CLYBL: variants seen among roughly 807,000 people sequenced by gnomAD.
The protein encoded by CLYBL is citramalyl-CoA lyase, mitochondrial.
Under a neutral mutation model 38.9 loss-of-function variants are expected in CLYBL, and 31 were observed. The observed-to-expected ratio is 0.80, with a 90% CI of 0.60 to 1.08. The LOEUF is 1.08. Ranked by LOEUF, CLYBL falls within the 50% of genes least tolerant of loss-of-function variation. The pLI, the probability that CLYBL is intolerant of heterozygous loss-of-function variation, is 0.00. For missense variants in CLYBL, 434 were observed against 411.6 expected, an observed-to-expected ratio of 1.05 and a Z score of -0.47; for synonymous variants, 171 against 158.6, an observed-to-expected ratio of 1.08 and a Z score of -0.59.
At chr13:99,800,894 C>CAACA (rs2050118969) in intron 2 of CLYBL, among the ~76,000 whole-genome samples, 1 of 114,508 alleles carries the variant, frequency 8.7e-6, no homozygotes, top group African/African-American at 3.1e-5. Flanking sequence ...ACAACAACAA[C>CAACA]AAAAAAAAAA....
chr13:99,740,799 C>T (rs1244761302), intron 1 of CLYBL, among the ~76,000 whole-genome samples: 1 of 152,172 alleles, frequency 6.6e-6, no homozygotes, highest in East Asian at 1.9e-4. Flanking sequence ...GACCTGGCAG[C>T]ATTTAACGGC....
At chr13:99,892,730 T>C (rs956314901), downstream of CLYBL, 24 of 152,278 alleles carry the variant, frequency 1.6e-4, no homozygotes, top group African/African-American at 5.8e-4. Flanking sequence ...AAACAGTTGT[T>C]TTTTACTTTC....
At chr13:99,898,771 AG>A (rs2052610406), downstream of CLYBL, among the ~76,000 whole-genome samples, 2 of 152,190 alleles carry the variant, frequency 1.3e-5, no homozygotes, top group African/African-American at 4.8e-5. Flanking sequence ...AGATCCTCCC[AG>A]CTCCCCTAGA....
At chr13:99,624,289 TA>T (rs2046839644) in intron 1 of CLYBL, among the ~76,000 whole-genome samples, 2 of 152,186 alleles carry the variant, frequency 1.3e-5, no homozygotes, top group Admixed American at 1.3e-4. Context: ...CCTGACACAG[TA>T]GGCACTGATT....
Position 99,692,582 on chromosome 13 carries a change from G to A in CLYBL, c.63-80242G>A, listed in dbSNP as rs374581241. Among the ~76,000 whole-genome samples, 70 of 152,110 alleles carry A rather than the reference G, an allele frequency of 4.6e-4. No homozygotes were observed. The South Asian group carries it at 7.9e-3, about 17-fold the overall frequency. On this transcript the variant is annotated intron_variant, in intron 1 of 8. Transcript: ENST00000339105. Reference sequence around the variant, plus strand: ...GCTGGGATTACAGGTGTGAGCTACCGCCTCCAGCCATAAAGTTCACATTTT... The same window carrying A: ...GCTGGGATTACAGGTGTGAGCTACCACCTCCAGCCATAAAGTTCACATTTT...
intron 1 of CLYBL, among the ~76,000 whole-genome samples, chr13:99,772,573 C>A (rs1292124040): frequency 6.6e-6 from 1 of 152,256 alleles, no homozygotes; most frequent in Non-Finnish European, 1.5e-5. Flanking sequence ...TGGCACACAC[C>A]TGTAGTCCCA....
At chr13:99,890,467 G>T (rs1044625439) in intron 7 of CLYBL, among the ~76,000 whole-genome samples, 2 of 151,858 alleles carry the variant, frequency 1.3e-5, no homozygotes, top group African/African-American at 4.8e-5. Flanking sequence ...CATGTCCCTG[G>T]TATTTCTTTC....
At chr13:99,802,929 A>G (rs528273903) in intron 2 of CLYBL, among the ~76,000 whole-genome samples, 3 of 152,256 alleles carry the variant, frequency 2.0e-5, no homozygotes, top group Non-Finnish European at 1.5e-5. Flanking sequence ...TAGACTGGAC[A>G]CTCTGCAGGC....
At chr13:99,631,860 C>T (rs891621291) in intron 1 of CLYBL, among the ~76,000 whole-genome samples, 4 of 152,174 alleles carry the variant, frequency 2.6e-5, no homozygotes, top group Non-Finnish European at 4.4e-5. Context: ...CTCAGCCTCC[C>T]AAAGTGCTGG....
chr13:99,810,038 T>A (rs1323831373), intron 2 of CLYBL, among the ~76,000 whole-genome samples: 1 of 152,262 alleles, frequency 6.6e-6, no homozygotes, highest in Non-Finnish European at 1.5e-5. Context: ...AGGATTTTTT[T>A]ATTATTATCA....
intron 2 of CLYBL, among the ~76,000 whole-genome samples, chr13:99,839,755 T>C (rs1407271185): frequency 6.6e-6 from 1 of 152,030 alleles, no homozygotes; most frequent in East Asian, 1.9e-4. Context: ...GATTCAGGCA[T>C]GCAAAAAGCA....
intron 1 of CLYBL, among the ~76,000 whole-genome samples, chr13:99,625,042 C>T (rs2046849707): frequency 6.6e-6 from 1 of 152,204 alleles, no homozygotes; most frequent in Non-Finnish European, 1.5e-5. Context: ...CAGTTCTGTT[C>T]CCTCCTTATG....
chr13:99,704,722 T>C (rs1281088560), intron 1 of CLYBL, among the ~76,000 whole-genome samples: 1 of 152,196 alleles, frequency 6.6e-6, no homozygotes, highest in African/African-American at 2.4e-5. Context: ...GTTGTTTAAG[T>C]TGATATAATT....
chr13:99,626,049 C>A (rs1308351561), intron 1 of CLYBL, among the ~76,000 whole-genome samples: 1 of 152,178 alleles, frequency 6.6e-6, no homozygotes, highest in Non-Finnish European at 1.5e-5. Flanking sequence ...GTGGCCAGTG[C>A]AGTACCTTGG....
At chr13:99,845,953 T>C (rs2051193457) in intron 2 of CLYBL, among the ~76,000 whole-genome samples, 1 of 140,168 alleles carries the variant, frequency 7.1e-6, no homozygotes, top group South Asian at 2.4e-4. Flanking sequence ...CCCTTAAAAA[T>C]GCTTATATAT....
At chr13:99,897,940 C>CAAAAAA (rs10635703), downstream of CLYBL, among the ~76,000 whole-genome samples, 11,146 of 149,426 alleles carry the variant, frequency 0.075, 451 homozygotes, top group Admixed American at 0.1. Flanking sequence ...AATGCCGTCT[C>CAAAAAA]AAAAAAAAGA....
At chr13:99,841,557 G>A (rs61254872) in intron 2 of CLYBL, among the ~76,000 whole-genome samples, 4,638 of 151,184 alleles carry the variant, frequency 0.031, 238 homozygotes, top group African/African-American at 0.11. Flanking sequence ...GTGCCACCAC[G>A]CCTGGCTAAT....
At chr13:99,775,054 G>GAGT (rs1389834828) in intron 2 of CLYBL, among the ~76,000 whole-genome samples, 4 of 152,168 alleles carry the variant, frequency 2.6e-5, no homozygotes, top group Non-Finnish European at 2.9e-5. Context: ...AAGTACCTGG[G>GAGT]AGTAGCTTGA....
chr13:99,727,648 T>G (rs569270201), intron 1 of CLYBL, among the ~76,000 whole-genome samples: 2 of 152,064 alleles, frequency 1.3e-5, no homozygotes, highest in Admixed American at 6.6e-5. Context: ...GCAAGACACC[T>G]GGGTTTGTCT....
Sources: allele counts gnomAD v4.1 joint callset (sites outside exome capture counted in the v4.1 genomes callset), GRCh38; gene constraint gnomAD v4.1.1; transcripts MANE v1.5; gene names NCBI Gene and HGNC (gene_info 2026-07-23, HGNC 2026-07-21).